Variants in GPC6 observed in about 807,000 individuals in gnomAD.
GPC6 encodes the protein glypican-6.
GPC6 carries 14 observed loss-of-function variants against 55.2 expected under a neutral mutation model. The observed-to-expected ratio is 0.25, with a 90% CI of 0.17 to 0.40. The LOEUF is 0.40. GPC6 is among the 10% of genes least tolerant of loss of function. The probability of loss-of-function intolerance (pLI) is 1.00; values close to 1 mark genes in which losing one functional copy is unlikely to be tolerated. For synonymous variants in GPC6, 278 were observed against 259.6 expected, an observed-to-expected ratio of 1.07 and a Z score of -0.68; for missense variants, 641 against 708.5, an observed-to-expected ratio of 0.90 and a Z score of 1.08.
chr13:94,039,071 A>G (rs555696407), intron 4 of GPC6, among the ~76,000 whole-genome samples: 2 of 152,068 alleles, frequency 1.3e-5, no homozygotes, highest in African/African-American at 2.4e-5. Flanking sequence ...GGGGGGAAAA[A>G]CAGTGGTAGG....
At chr13:93,832,122 A>AATATATATATATATATATATATAT in intron 3 of GPC6, among the ~76,000 whole-genome samples, 26 of 12,030 alleles carry the variant, frequency 2.2e-3, no homozygotes, top group African/African-American at 4.0e-3. Context: ...AAAAAAAAAA[A>AATATATATATATATATATATATAT]ATATATATAT....
intron 4 of GPC6, among the ~76,000 whole-genome samples, chr13:94,212,208 C>T (rs1290944208): frequency 1.3e-5 from 2 of 152,108 alleles, no homozygotes; most frequent in Non-Finnish European, 2.9e-5. Flanking sequence ...TTTTTTTCAA[C>T]ATCTCAATCT....
chr13:93,823,160 G>A (rs1420980696), intron 2 of GPC6, among the ~76,000 whole-genome samples: 1 of 151,960 alleles, frequency 6.6e-6, no homozygotes, highest in Non-Finnish European at 1.5e-5. Context: ...ACCATGCCTG[G>A]CCGAAAATTA....
intron 4 of GPC6, among the ~76,000 whole-genome samples, chr13:94,032,336 G>T (rs1051555798): frequency 2.0e-5 from 3 of 152,154 alleles, no homozygotes; most frequent in Non-Finnish European, 4.4e-5. Context: ...TTACTCAGCT[G>T]GGGGACTTAA....
chr13:94,238,111 G>A (rs1254453312), intron 4 of GPC6, among the ~76,000 whole-genome samples: 3 of 152,150 alleles, frequency 2.0e-5, no homozygotes, highest in Non-Finnish European at 4.4e-5. Flanking sequence ...AAGACTGAGG[G>A]AGGATCTTTG....
chr13:93,315,833 A>G (rs1272020542), intron 1 of GPC6, among the ~76,000 whole-genome samples: 1 of 151,930 alleles, frequency 6.6e-6, no homozygotes, highest in East Asian at 1.9e-4. Context: ...CCATCCCTTT[A>G]TCTCTGCGTA....
At position 93,305,881 on chromosome 13, in the gene GPC6, A is replaced by G. The variant is rs527813162; in HGVS notation, c.160+78265A>G. 5.3e-5 allele frequency among the ~76,000 whole-genome samples: 8 copies of G among 152,322 alleles called. No homozygotes were observed. The East Asian group carries it at 5.8e-4, about 11-fold the overall frequency. Reference sequence around the variant, plus strand: ...TTTTTCTACATGTGCTTATCAAGCAATCAACTTTTTGCCTCCCATATGCAC... The same window carrying G: ...TTTTTCTACATGTGCTTATCAAGCAGTCAACTTTTTGCCTCCCATATGCAC... On this transcript the variant is annotated intron_variant, in intron 1 of 8. Coordinates refer to ENST00000377047, the MANE Select transcript of GPC6 (RefSeq NM_005708.5).
intron 4 of GPC6, among the ~76,000 whole-genome samples, chr13:94,054,321 T>G (rs975099653): frequency 6.6e-6 from 1 of 152,200 alleles, no homozygotes; most frequent in African/African-American, 2.4e-5. Context: ...CCAGCCTCTG[T>G]GCCAGCAGAG....
intron 3 of GPC6, among the ~76,000 whole-genome samples, chr13:93,995,637 A>G (rs1265454572): frequency 6.6e-6 from 1 of 152,334 alleles, no homozygotes; most frequent in Middle Eastern, 3.4e-3. Context: ...AACTTCAGTA[A>G]TGGTATCAGA....
chr13:93,514,275 T>C (rs1488550952), intron 1 of GPC6, among the ~76,000 whole-genome samples: 1 of 152,104 alleles, frequency 6.6e-6, no homozygotes, highest in African/African-American at 2.4e-5. Context: ...AGGTGCTCTG[T>C]TGGTTTAGAG....
At chr13:93,971,600 C>T (rs1880285412) in intron 3 of GPC6, among the ~76,000 whole-genome samples, 1 of 152,210 alleles carries the variant, frequency 6.6e-6, no homozygotes. Flanking sequence ...GAAAATACAT[C>T]TGTTGACTAT....
intron 1 of GPC6, among the ~76,000 whole-genome samples, chr13:93,540,331 A>T (rs1882241953): frequency 6.6e-6 from 1 of 152,206 alleles, no homozygotes; most frequent in Admixed American, 6.5e-5. Flanking sequence ...CCATATATCC[A>T]TCAAGCAGCT....
chr13:93,524,235 A>G lies in GPC6; in HGVS notation c.161-21028A>G, dbSNP rs190514937. 3.2e-3 allele frequency among the ~76,000 whole-genome samples: 482 copies of G among 152,144 alleles called. 2 individuals are homozygous for G. Among genetic ancestry groups the G allele is most frequent in the Admixed American group, 5.0e-3 (76 of 15,240 alleles). On this transcript the variant is annotated intron_variant, in intron 1 of 8. Transcript: ENST00000377047. The stretch of plus-strand genomic sequence containing the variant: ...TTTGAGAGGTTTGACTTTGTCCAAC[A>G]CTCAGAATCACCACTCACCTCCTTA...
At chr13:93,760,210 A>G (rs1479170647) in intron 2 of GPC6, among the ~76,000 whole-genome samples, 1 of 152,184 alleles carries the variant, frequency 6.6e-6, no homozygotes, top group Non-Finnish European at 1.5e-5. Flanking sequence ...TAAGTAACTA[A>G]TAGTCCAGTG....
At chr13:93,418,894 G>A (rs147709603) in intron 1 of GPC6, among the ~76,000 whole-genome samples, 2,343 of 135,000 alleles carry the variant, frequency 0.017, 77 homozygotes, top group African/African-American at 0.06. Context: ...TTTTATTAAT[G>A]GCACGATACC....
At chr13:93,494,625 T>C (rs1296991336) in intron 1 of GPC6, among the ~76,000 whole-genome samples, 2 of 152,194 alleles carry the variant, frequency 1.3e-5, no homozygotes, top group East Asian at 3.8e-4. Context: ...GTCTCAATGG[T>C]CTTTACATTT....
intron 3 of GPC6, among the ~76,000 whole-genome samples, chr13:93,996,803 A>G (rs1420933475): frequency 6.6e-6 from 1 of 152,188 alleles, no homozygotes; most frequent in Non-Finnish European, 1.5e-5. Flanking sequence ...TATGATATTT[A>G]TTTAGGTGGA....
chr13:93,671,060 A>G (rs1594358772), intron 2 of GPC6, among the ~76,000 whole-genome samples: 1 of 152,152 alleles, frequency 6.6e-6, no homozygotes, highest in East Asian at 1.9e-4. Flanking sequence ...ATGTCTCTCA[A>G]TGGTTTCTCA....
At chr13:93,248,772 G>A (rs999329558) in intron 1 of GPC6, among the ~76,000 whole-genome samples, 5 of 152,186 alleles carry the variant, frequency 3.3e-5, no homozygotes, top group East Asian at 1.9e-4. Context: ...ACCTTCAACC[G>A]CATTTCAGCC....
Sources: gnomAD v4.1 joint callset for allele counts (sites outside exome capture counted in the v4.1 genomes callset) on GRCh38, gnomAD v4.1.1 for gene constraint, MANE v1.5 for transcripts, NCBI Gene and HGNC (gene_info 2026-07-23, HGNC 2026-07-21) for gene names.